Variants in SRPK2 observed in about 807,000 individuals in gnomAD.
SRPK2 encodes SRSF protein kinase 2, also known as SFRS protein kinase 2.
In SRPK2, 21 loss-of-function variants were observed where a neutral mutation model predicts 90.8. The observed-to-expected ratio is 0.23, with a 90% CI of 0.16 to 0.33. SRPK2 has a LOEUF of 0.33. SRPK2 is among the 10% of genes least tolerant of loss of function. The pLI, the probability that SRPK2 is intolerant of heterozygous loss-of-function variation, is 1.00. For missense variants in SRPK2, 620 were observed against 869.0 expected (o/e 0.71, Z 3.60); for synonymous variants, 288 against 311.1 (o/e 0.93, Z 0.78).
intron 7 of SRPK2, among the ~76,000 whole-genome samples, chr7:105,155,381 G>A (rs745317646): frequency 3.9e-5 from 6 of 152,202 alleles, no homozygotes; most frequent in Non-Finnish European, 8.8e-5. Context: ...TAACTGATCA[G>A]GAGTACAAGA....
At chr7:105,347,212 T>C (rs1816567377) in intron 2 of SRPK2, among the ~76,000 whole-genome samples, 1 of 151,848 alleles carries the variant, frequency 6.6e-6, no homozygotes, top group African/African-American at 2.4e-5. Context: ...TACAGACATG[T>C]GCCACCGCGC....
intron 2 of SRPK2, among the ~76,000 whole-genome samples, chr7:105,237,779 C>T (rs1247339620): frequency 6.6e-6 from 1 of 152,110 alleles, no homozygotes; most frequent in Non-Finnish European, 1.5e-5. Flanking sequence ...ACATGAAGAA[C>T]GTAAGGAAGC....
intron 1 of SRPK2, among the ~76,000 whole-genome samples, chr7:105,398,154 C>T (rs1041293008): frequency 6.6e-6 from 1 of 152,042 alleles, no homozygotes; most frequent in Non-Finnish European, 1.5e-5. Context: ...TATTTTTCCC[C>T]AATCTGTTAC....
At chr7:105,265,841 T>C (rs545532038) in intron 2 of SRPK2, among the ~76,000 whole-genome samples, 1 of 151,486 alleles carries the variant, frequency 6.6e-6, no homozygotes, top group East Asian at 2.0e-4. Context: ...ATATACATCA[T>C]TTTTCATTCA....
In SRPK2 at chr7:105,368,537, T is replaced by TA. The variant is rs1339448230; in HGVS notation, c.71+20110dup. ...ACCACTGAATCAGCATCCAGGGCTC[T>TA]AATCCAGCATTCTAAACTGGCTAAG... On this transcript the variant is annotated intron_variant, in intron 2 of 15. Transcript: ENST00000393651. 4.6e-5 allele frequency among the ~76,000 whole-genome samples: 7 copies of TA among 152,268 alleles called. No individual in the cohort carries two copies. The East Asian group carries it at 7.7e-4, about 17-fold the overall frequency.
intron 13 of SRPK2, among the ~76,000 whole-genome samples, chr7:105,128,534 T>C (rs1243007472): frequency 6.6e-6 from 1 of 152,182 alleles, no homozygotes; most frequent in East Asian, 1.9e-4. Flanking sequence ...AGGAGAGTCC[T>C]TCTAGCCTGG....
intron 2 of SRPK2, among the ~76,000 whole-genome samples, chr7:105,317,709 A>G (rs1427231543): frequency 6.6e-6 from 1 of 152,200 alleles, no homozygotes; most frequent in African/African-American, 2.4e-5. Flanking sequence ...CATTAAAGAA[A>G]TTTTCAAAAA....
chr7:105,328,078 T>C lies in SRPK2; in HGVS notation c.71+60570A>G, dbSNP rs923146739. Among the ~76,000 whole-genome samples, 18 of 152,294 alleles carry C rather than the reference T, an allele frequency of 1.2e-4. No homozygotes were observed. The East Asian group carries it at 1.9e-3, about 16-fold the overall frequency. On this transcript the variant is annotated intron_variant, in intron 2 of 15. Coordinates refer to ENST00000393651, the MANE Select transcript of SRPK2 (RefSeq NM_182692.3). ...GGCGTGAGCCACAATGCCCAGCCTA[T>C]AGGAGTTTCCTCTAGAAGATACCAA... is the stretch of plus-strand genomic sequence containing the variant.
chr7:105,141,285 GTTAAACAGTC>G (rs1456052775), intron 11 of SRPK2, among the ~76,000 whole-genome samples: 2 of 152,184 alleles, frequency 1.3e-5, no homozygotes, highest in Non-Finnish European at 2.9e-5. Context: ...CTCGCTGTGT[GTTAAACAGTC>G]TTGTCAGTAG....
intron 2 of SRPK2, among the ~76,000 whole-genome samples, chr7:105,212,612 G>C (rs1796992830): frequency 1.3e-5 from 2 of 152,172 alleles, no homozygotes; most frequent in African/African-American, 4.8e-5. Context: ...CTATCCCTGA[G>C]GCAAGTAGTA....
At chr7:105,389,000 C>A, upstream of SRPK2, 1 of 1,017,086 alleles carries the variant, frequency 9.8e-7, no homozygotes, top group Non-Finnish European at 1.2e-6. Flanking sequence ...GCCCCGCCCC[C>A]ACCCGCCGGC....
chr7:105,155,011 G>A (rs1028003943), intron 7 of SRPK2, among the ~76,000 whole-genome samples: 1 of 150,612 alleles, frequency 6.6e-6, no homozygotes, highest in South Asian at 2.1e-4. Flanking sequence ...TCAGAATTTC[G>A]CTATTGTCAC....
intron 2 of SRPK2, among the ~76,000 whole-genome samples, chr7:105,237,541 T>A (rs1025746159): frequency 1.3e-5 from 2 of 152,206 alleles, no homozygotes; most frequent in Non-Finnish European, 2.9e-5. Flanking sequence ...ATAGTTTTCA[T>A]CTCTAAAAGG....
intron 2 of SRPK2, among the ~76,000 whole-genome samples, chr7:105,329,795 C>G (rs929351109): frequency 6.6e-6 from 1 of 151,770 alleles, no homozygotes; most frequent in African/African-American, 2.4e-5. Context: ...TTTAGGAGGC[C>G]GAGACGGGCA....
At chr7:105,194,805 G>A (rs1794719519) in intron 3 of SRPK2, among the ~76,000 whole-genome samples, 1 of 152,134 alleles carries the variant, frequency 6.6e-6, no homozygotes, top group Non-Finnish European at 1.5e-5. Context: ...CAAAGCTATA[G>A]TAACCAGACC....
chr7:105,153,416 T>C (rs1303296870), intron 7 of SRPK2, among the ~76,000 whole-genome samples: 1 of 152,196 alleles, frequency 6.6e-6, no homozygotes, highest in Non-Finnish European at 1.5e-5. Flanking sequence ...TCAACATTTG[T>C]GTCAGATACC....
chr7:105,122,768 T>C (rs933624341), intron 15 of SRPK2, among the ~76,000 whole-genome samples: 1 of 152,118 alleles, frequency 6.6e-6, no homozygotes, highest in Non-Finnish European at 1.5e-5. Flanking sequence ...AAATTTTCAA[T>C]TGTATTTAAG....
intron 4 of SRPK2, 95 bp downstream of exon 4, chr7:105,169,062 C>A (rs1790472034): frequency 1.9e-6 from 2 of 1,080,378 alleles, no homozygotes; most frequent in Non-Finnish European, 2.8e-6. Flanking sequence ...TCACATACCT[C>A]AACAAAGCAG....
Position 105,178,311 on chromosome 7 carries a change from T to C in SRPK2, c.230-9046A>G, listed in dbSNP as rs1001464426. On this transcript the variant is annotated intron_variant, in intron 3 of 15. Coordinates refer to ENST00000393651, the MANE Select transcript of SRPK2 (RefSeq NM_182692.3). ...AAAATATAAACAATAATGAAGCCTC[T>C]GGCACAACCATTAAACTCCCTTGAA... 7.2e-5 allele frequency among the ~76,000 whole-genome samples: 11 copies of C among 152,282 alleles called. 1 individual carries two copies. The highest frequency in any genetic ancestry group is 2.6e-4 in the African/African-American group (11 of 41,552).
Sources: gnomAD v4.1 joint callset for allele counts (sites outside exome capture counted in the v4.1 genomes callset) on GRCh38, gnomAD v4.1.1 for gene constraint, MANE v1.5 for transcripts, NCBI Gene and HGNC (gene_info 2026-07-23, HGNC 2026-07-21) for gene names.